Variants in CCSER1 observed in about 807,000 individuals in gnomAD.
The protein encoded by CCSER1 is coiled-coil serine rich protein 1, also known as serine-rich coiled-coil domain-containing protein 1.
In CCSER1, 41 loss-of-function variants were observed where a neutral mutation model predicts 82.0. The ratio of observed to expected loss-of-function variants is 0.50; its 90% CI spans 0.39 to 0.65. CCSER1 has a LOEUF of 0.65. Among genes scored for constraint, CCSER1 ranks in the 30% least tolerant of loss-of-function variants. The pLI, the probability that CCSER1 is intolerant of heterozygous loss-of-function variation, is 0.00. For synonymous variants in CCSER1, 414 were observed against 383.9 expected, an observed-to-expected ratio of 1.08 and a Z score of -0.92; for missense variants, 1,119 against 1,064.2, an observed-to-expected ratio of 1.05 and a Z score of -0.72.
chr4:91,315,994 T>A (rs971060590), intron 10 of CCSER1, among the ~76,000 whole-genome samples: 1 of 151,894 alleles, frequency 6.6e-6, no homozygotes, highest in Admixed American at 6.6e-5. Context: ...AAGGGTGGGT[T>A]TTTTCCCATG....
chr4:90,429,095 T>C (rs1269212815), intron 4 of CCSER1, among the ~76,000 whole-genome samples: 1 of 151,870 alleles, frequency 6.6e-6, no homozygotes, highest in Non-Finnish European at 1.5e-5. Context: ...GGGGGTATTA[T>C]ATAGGAACCG....
At chr4:90,925,278 A>G (rs1318343615) in intron 9 of CCSER1, among the ~76,000 whole-genome samples, 1 of 152,212 alleles carries the variant, frequency 6.6e-6, no homozygotes, top group African/African-American at 2.4e-5. Flanking sequence ...AATTTCAGAA[A>G]AATGAAGTCA....
At chr4:90,250,095 A>G (rs954981379) in intron 1 of CCSER1, among the ~76,000 whole-genome samples, 7 of 151,932 alleles carry the variant, frequency 4.6e-5, no homozygotes, top group African/African-American at 1.7e-4. Context: ...ATTGGGTTGT[A>G]TTTTTGAGTT....
chr4:91,380,026 G>A (rs142675437), intron 10 of CCSER1, among the ~76,000 whole-genome samples: 2,990 of 152,238 alleles, frequency 0.02, 77 homozygotes, highest in African/African-American at 0.067. Flanking sequence ...TTTAGGAGCA[G>A]GTTGTTCAGT....
intron 7 of CCSER1, among the ~76,000 whole-genome samples, chr4:90,793,013 G>C (rs1644751951): frequency 6.6e-6 from 1 of 152,090 alleles, no homozygotes; most frequent in Non-Finnish European, 1.5e-5. Context: ...CCTCAAAACT[G>C]GGTCAAGGCA....
intron 10 of CCSER1, among the ~76,000 whole-genome samples, chr4:91,563,911 G>A (rs1762769445): frequency 6.6e-6 from 1 of 151,732 alleles, no homozygotes; most frequent in East Asian, 1.9e-4. Context: ...TTTAGATTTG[G>A]TGATACATAT....
chr4:91,511,466 T>C (rs1201991434), intron 10 of CCSER1, among the ~76,000 whole-genome samples: 4 of 152,154 alleles, frequency 2.6e-5, no homozygotes, highest in African/African-American at 9.7e-5. Context: ...GCAATATTTT[T>C]TCCCATTTGT....
At chr4:91,575,480 C>G (rs574430368) in intron 10 of CCSER1, among the ~76,000 whole-genome samples, 1 of 152,074 alleles carries the variant, frequency 6.6e-6, no homozygotes, top group South Asian at 2.1e-4. Context: ...TAAGGGAGTT[C>G]ATACCCAAAA....
chr4:90,551,613 A>G (rs1163436333), intron 5 of CCSER1, among the ~76,000 whole-genome samples: 2 of 151,480 alleles, frequency 1.3e-5, no homozygotes, highest in African/African-American at 4.9e-5. Context: ...CTATATCCAA[A>G]GAATTTTGTG....
intron 10 of CCSER1, among the ~76,000 whole-genome samples, chr4:91,150,471 T>C (rs1730058429): frequency 6.6e-6 from 1 of 152,200 alleles, no homozygotes; most frequent in Non-Finnish European, 1.5e-5. Flanking sequence ...TACGCTTTAT[T>C]TCTTTCTCCT....
At chr4:90,135,739 C>T (rs112867741) in intron 1 of CCSER1, among the ~76,000 whole-genome samples, 2 of 152,174 alleles carry the variant, frequency 1.3e-5, no homozygotes, top group Non-Finnish European at 1.5e-5. Flanking sequence ...CTGTGCCCCA[C>T]TAGAAAGATA....
intron 4 of CCSER1, among the ~76,000 whole-genome samples, chr4:90,467,637 C>T (rs538782693): frequency 1.3e-5 from 2 of 151,978 alleles, no homozygotes; most frequent in South Asian, 4.1e-4. Context: ...GAGCCAAGAT[C>T]GTGCCACTGC....
chr4:91,288,735 C>A (rs1198927881), intron 10 of CCSER1, among the ~76,000 whole-genome samples: 1 of 151,924 alleles, frequency 6.6e-6, no homozygotes, highest in African/African-American at 2.4e-5. Flanking sequence ...TCTTAGGACC[C>A]TGGTGAAAAT....
intron 5 of CCSER1, among the ~76,000 whole-genome samples, chr4:90,598,245 AT>A (rs1560784349): frequency 1.3e-5 from 2 of 151,862 alleles, no homozygotes; most frequent in African/African-American, 4.8e-5. Context: ...GCACCAATTT[AT>A]TTTTTTATTA....
chr4:90,267,095 C>T (rs1447245112), intron 1 of CCSER1, among the ~76,000 whole-genome samples: 1 of 151,996 alleles, frequency 6.6e-6, no homozygotes, highest in African/African-American at 2.4e-5. Flanking sequence ...CTACCCTGGG[C>T]CAGAGGGGAG....
At chr4:91,113,547 A>G (rs1026638689) in intron 10 of CCSER1, among the ~76,000 whole-genome samples, 2 of 152,226 alleles carry the variant, frequency 1.3e-5, no homozygotes, top group South Asian at 4.1e-4. Context: ...AATCCAAGCT[A>G]CATTCTGTTT....
intron 5 of CCSER1, among the ~76,000 whole-genome samples, chr4:90,601,969 A>G (rs899756309): frequency 1.3e-5 from 2 of 152,102 alleles, no homozygotes; most frequent in African/African-American, 4.8e-5. Flanking sequence ...TTGGTCCTGA[A>G]TATGATCTCT....
chr4:90,370,415 T>G (rs1413737875), intron 3 of CCSER1: 2 of 152,108 alleles, frequency 1.3e-5, no homozygotes, highest in Non-Finnish European at 2.9e-5. Flanking sequence ...AATGGTAGGT[T>G]GGATTTTCAC....
At chr4:90,442,247 C>T (rs1759995100) in intron 4 of CCSER1, among the ~76,000 whole-genome samples, 1 of 152,114 alleles carries the variant, frequency 6.6e-6, no homozygotes, top group Non-Finnish European at 1.5e-5. Flanking sequence ...CAGGATCTCC[C>T]TCACTGTCAC....
Sources: gnomAD v4.1 joint callset for allele counts (sites outside exome capture counted in the v4.1 genomes callset) on GRCh38, gnomAD v4.1.1 for gene constraint, MANE v1.5 for transcripts, NCBI Gene and HGNC (gene_info 2026-07-23, HGNC 2026-07-21) for gene names.